Variants in HRNR observed in about 807,000 individuals in gnomAD.
HRNR encodes the protein hornerin.
Under a neutral mutation model 4.8 loss-of-function variants are expected in HRNR, and 7 were observed. That is an observed-to-expected ratio of 1.47 (90% CI 0.83 to 2.75). The LOEUF (loss-of-function observed/expected upper bound fraction) is 2.75. Among genes scored for constraint, HRNR ranks in the 30% most tolerant of loss-of-function variants. The probability of loss-of-function intolerance (pLI) is 0.00; values close to 1 mark genes in which losing one functional copy is unlikely to be tolerated. For missense variants in HRNR, 2,879 were observed against 3,010.4 expected (o/e 0.96, Z 1.02); for synonymous variants, 1,023 against 1,242.7 (o/e 0.82, Z 3.72).
Position 152,219,233 on chromosome 1 carries a change from C to T in HRNR, c.2396G>A (p.Ser799Asn), listed in dbSNP as rs6662450. ...SSHGQHGSGTSCSSSCGHYES... is the reference protein window; with the variant it reads ...SSHGQHGSGTNCSSSCGHYES... ...ATAATGGCCACAGCTGGAAGAACAACTTGTGCCAGACCCGTGTTGGCCGTG... is the reference window on the plus strand; with the variant it reads ...ATAATGGCCACAGCTGGAAGAACAATTTGTGCCAGACCCGTGTTGGCCGTG... The change falls in exon 3 of 3, where the codon AGT (serine) becomes AAT (asparagine). Residue 799 changes from serine to asparagine, a missense_variant. Coordinates refer to ENST00000368801, the MANE Select transcript of HRNR (RefSeq NM_001009931.3). 4.3e-6 allele frequency: 7 copies of T among 1,613,782 alleles called. No individual in the cohort carries two copies. Among genetic ancestry groups the T allele is most frequent in the African/African-American group, 4.0e-5 (3 of 74,820 alleles).
chr1:152,219,319 A>G lies in HRNR; in HGVS notation c.2310T>C (p.Ser770=). The G allele has an allele frequency of 6.2e-7, 1 of 1,613,502 alleles. No homozygotes were observed. Among genetic ancestry groups the G allele is most frequent in the Admixed American group, 1.7e-5 (1 of 59,954 alleles). ...HQSSGHGRQG[S]GSGHSPSRVR... ...CACGGCTAGGAGAGTGGCCAGATCC[A>G]GACCCTTGTCGGCCGTGGCCCGAAG... The change falls in exon 3 of 3, where the codon TCT becomes TCC. Residue 770 remains serine, a synonymous_variant. Transcript: ENST00000368801.
Position 152,218,515 on chromosome 1 carries a change from G to A in HRNR, c.3114C>T (p.Gly1038=), listed in dbSNP as rs561488430. The change falls in exon 3 of 3, where the codon GGC becomes GGT. Residue 1038 remains glycine (G), a synonymous_variant. Transcript: ENST00000368801. Reference sequence around the variant, plus strand: ...AGTGACCGGAGCCAGACTCATATGGGCCACGGCTTGAAGACCACCCTGAGC... The same window carrying A: ...AGTGACCGGAGCCAGACTCATATGGACCACGGCTTGAAGACCACCCTGAGC... The part of the protein sequence containing the change: ...RSGSGWSSSR[G]PYESGSGHSS... The A allele has an allele frequency of 4.3e-6, 7 of 1,613,540 alleles. No homozygotes were observed. In the East Asian group the frequency reaches 1.3e-4, roughly 31 times the overall value.
In HRNR at chr1:152,218,657, C is replaced by A. The variant is rs143427005; in HGVS notation, c.2972G>T (p.Arg991Leu). 4 of 1,613,312 alleles carry A rather than the reference C, an allele frequency of 2.5e-6. No homozygotes were observed. The highest frequency in any genetic ancestry group is 3.4e-6 in the Non-Finnish European group (4 of 1,179,878). Residue 991 changes from arginine to leucine, a missense_variant, in exon 3 of 3, where the codon CGT becomes CTT. By Grantham distance (102) the Arg-to-Leu change is moderately radical. This residue lies in a region of HRNR where 2,646 missense variants were observed against 1,377.7 expected (regional missense o/e 1.92). Transcript: ENST00000368801. ...SSYGQHGSGS[R>L]QSLGHGQHGS... is the part of the protein sequence containing the mutation. ...ATGTTGGCCGTGGCCCAAAGACTGA[C>A]GGGAGCCAGACCCATGCTGACCATA...
Position 152,219,071 on chromosome 1 carries a change from C to T in HRNR, c.2558G>A (p.Ser853Asn), listed in dbSNP as rs764209221. 13 of 1,613,566 alleles carry T rather than the reference C, an allele frequency of 8.1e-6. No individual in the cohort carries two copies. Among genetic ancestry groups the T allele is most frequent in the East Asian group, 4.5e-5 (2 of 44,870 alleles). ...RHGSTSGQSS[S>N]SGQHDSSSGQ... is the part of the protein sequence containing the mutation. ...TGAGCTAGAGTCATGTTGGCCGGAG[C>T]TTGATGACTGCCCTGACGTAGATCC... The change falls in exon 3 of 3, where the codon AGC becomes AAC. Residue 853 changes from serine (S) to asparagine (N), a missense_variant. By Grantham distance (46) the Ser-to-Asn change is conservative. Coordinates refer to ENST00000368801, the MANE Select transcript of HRNR (RefSeq NM_001009931.3).
At chr1:152,223,042 A>G (rs902568925) in intron 2 of HRNR, 74 bp downstream of exon 2, 5 of 1,435,858 alleles carry the variant, frequency 3.5e-6, no homozygotes, top group Admixed American at 3.5e-5. Flanking sequence ...GATGTTTGAC[A>G]TATGTGACAA....
chr1:152,219,911 G>T lies in HRNR; in HGVS notation c.1718C>A (p.Pro573Gln), dbSNP rs145844679. 3.1e-6 allele frequency: 5 copies of T among 1,613,478 alleles called. No individual in the cohort carries two copies. The highest frequency in any genetic ancestry group is 1.1e-5 in the South Asian group (1 of 91,046). The change falls in exon 3 of 3, where the codon CCA becomes CAA. Residue 573 changes from proline (P) to glutamine (Q), a missense_variant. By Grantham distance (76) the Pro-to-Gln change is moderately conservative (BLOSUM62 -1). Transcript: ENST00000368801. ...YGSGRSSSRG[P>Q]YESGSGHSSG... ...AGAGTGACCGGAGCCAGACTCATAT[G>T]GGCCACGGCTTGAAGACCTCCCTGA...
In HRNR at chr1:152,221,482, G is replaced by C. The variant is rs199892404; in HGVS notation, c.147C>G (p.Asn49Lys). 1 of 1,596,238 alleles carries C rather than the reference G, an allele frequency of 6.3e-7. No individual in the cohort carries two copies. The change falls in exon 3 of 3, where the codon AAC becomes AAG. Residue 49 changes from asparagine (N) to lysine (K), a missense_variant. Physicochemically the swap from Asn to Lys is moderately conservative, Grantham distance 94. This residue lies in a region of HRNR where 2,646 missense variants were observed against 1,377.7 expected (regional missense o/e 1.92). Transcript: ENST00000368801. ...AGATGATATCCACAGTATCTGGATC[G>C]TTTGGATTCTGTATAAGAGAAAGGT... Reference protein sequence around the residue: ...NEFHQILKNPNDPDTVDIILQ... With the variant: ...NEFHQILKNPKDPDTVDIILQ...
In HRNR at chr1:152,218,964, G is replaced by A. The variant is rs945743277; in HGVS notation, c.2665C>T (p.Gln889Ter). 3 of 1,613,904 alleles carry A rather than the reference G, an allele frequency of 1.9e-6. No homozygotes were observed. Among genetic ancestry groups the A allele is most frequent in the Non-Finnish European group, 2.5e-6 (3 of 1,179,956 alleles). ...GRGRHGSGSG[Q>*]SPGHGQRGSG... is the part of the protein sequence containing the mutation. ...CCACGCTGGCCGTGGCCTGGAGACTGGCCAGATCCAGAGCCATGTCGGCCG... is the reference window on the plus strand; with the variant it reads ...CCACGCTGGCCGTGGCCTGGAGACTAGCCAGATCCAGAGCCATGTCGGCCG... Residue 889 changes from glutamine to a stop codon, truncating the protein, a stop_gained, in exon 3 of 3, where the codon CAG becomes TAG. Transcript: ENST00000368801. LOFTEE classifies it low-confidence loss of function (END_TRUNC).
In HRNR at chr1:152,219,069, A is replaced by T. The variant is rs780461406; in HGVS notation, c.2560T>A (p.Ser854Thr). 6.8e-6 allele frequency: 11 copies of T among 1,610,348 alleles called. No homozygotes were observed. Among genetic ancestry groups the T allele is most frequent in the African/African-American group, 5.4e-5 (4 of 73,536 alleles). ...CCTGAGCTAGAGTCATGTTGGCCGG[A>T]GCTTGATGACTGCCCTGACGTAGAT... ...HGSTSGQSSS[S>T]GQHDSSSGQS... Residue 854 changes from serine to threonine, a missense_variant, in exon 3 of 3, where the codon TCC becomes ACC. Coordinates refer to ENST00000368801, the MANE Select transcript of HRNR (RefSeq NM_001009931.3).
rs747241932 is a variant in HRNR at position 152,223,108 on chromosome 1, G to A, written c.138+8C>T. On this transcript the variant is annotated splice_region_variant and intron_variant, in intron 2 of 2. Coordinates refer to ENST00000368801, the MANE Select transcript of HRNR (RefSeq NM_001009931.3). The stretch of plus-strand genomic sequence containing the variant: ...CTGCATAACTCCATCCTGGCGTGGA[G>A]TTCTTACCTTCAGAATTTGATGAAA... 6.2e-7 allele frequency: 1 copy of A among 1,613,314 alleles called. No individual in the cohort carries two copies. Among genetic ancestry groups the A allele is most frequent in the Non-Finnish European group, 8.5e-7 (1 of 1,179,596 alleles).
In HRNR at chr1:152,221,179, A is replaced by G; in HGVS notation, c.450T>C (p.Pro150=). 6.2e-7 allele frequency: 1 copy of G among 1,614,200 alleles called. No individual in the cohort carries two copies. ...YSRNVRGSLK[P]GTESISRRLS... is the part of the protein sequence containing the mutation. Reference sequence around the variant, plus strand: ...GTCTTCTGGATATGGATTCAGTCCCAGGTTTAAGACTTCCTCTGACGTTTC... The same window carrying G: ...GTCTTCTGGATATGGATTCAGTCCCGGGTTTAAGACTTCCTCTGACGTTTC... Residue 150 remains proline (P), a synonymous_variant, in exon 3 of 3, where the codon CCT becomes CCC. Coordinates refer to ENST00000368801, the MANE Select transcript of HRNR (RefSeq NM_001009931.3).
In HRNR at chr1:152,219,220, G is replaced by C. The variant is rs34188717; in HGVS notation, c.2409C>G (p.Ser803Arg). ...CTGAGCCAGACTCATAATGGCCACA[G>C]CTGGAAGAACAACTTGTGCCAGACC... Reference protein sequence around the residue: ...QHGSGTSCSSSCGHYESGSGQ... With the variant: ...QHGSGTSCSSRCGHYESGSGQ... Residue 803 changes from serine to arginine, a missense_variant, in exon 3 of 3, where the codon AGC becomes AGG. By Grantham distance (110) the Ser-to-Arg change is moderately radical (BLOSUM62 -1). This residue lies in a region of HRNR where 2,646 missense variants were observed against 1,377.7 expected (regional missense o/e 1.92). Coordinates refer to ENST00000368801, the MANE Select transcript of HRNR (RefSeq NM_001009931.3). The C allele has an allele frequency of 0.024, 38,337 of 1,613,942 alleles. 660 individuals carry two copies. The highest frequency in any genetic ancestry group is 0.056 in the South Asian group (5,057 of 91,064).
In HRNR at chr1:152,218,886, G is replaced by C; in HGVS notation, c.2743C>G (p.Arg915Gly). The C allele has an allele frequency of 6.2e-7, 1 of 1,612,292 alleles. No individual in the cohort carries two copies. The highest frequency in any genetic ancestry group is 8.5e-7 in the Non-Finnish European group (1 of 1,179,502). The change falls in exon 3 of 3, where the codon CGG becomes GGG. Residue 915 changes from arginine (R) to glycine (G), a missense_variant. Around this residue, in one of 8 missense-constraint regions of HRNR, gnomAD observed 2,646 missense variants for 1,377.7 expected, o/e 1.92. Transcript: ENST00000368801. ...SYGRHGSGSG[R>G]SSSSGRHGSG... ...CCATGTCGGCCACTGCTGGAAGACC[G>C]ACCGGAGCCAGACCCATGTCGGCCA...
At position 152,220,168 on chromosome 1, in the gene HRNR, G is replaced by A. The variant is rs749036272; in HGVS notation, c.1461C>T (p.His487=). The A allele has an allele frequency of 1.1e-5, 18 of 1,613,028 alleles. No homozygotes were observed. The highest frequency in any genetic ancestry group is 6.7e-5 in the African/African-American group (5 of 74,788). The change falls in exon 3 of 3, where the codon CAC becomes CAT. Residue 487 remains histidine, a synonymous_variant. Transcript: ENST00000368801. ...GYTQHGSGSG[H]SSGHGQHGSR... is the part of the protein sequence containing the mutation. The stretch of plus-strand genomic sequence containing the variant: ...AGCCGTGTTGTCCGTGGCCGGAGGA[G>A]TGACCTGAGCCAGATCCATGCTGAG...
intron 1 of HRNR, among the ~76,000 whole-genome samples, 194 bp from the exon 2 acceptor site, chr1:152,223,472 G>T (rs576491964): frequency 6.6e-6 from 1 of 152,148 alleles, no homozygotes; most frequent in Non-Finnish European, 1.5e-5. Context: ...ATGAAATTAG[G>T]AATATAATCC....
rs764318864 is a variant in HRNR, at chr1:152,219,031, G to T, written c.2598C>A (p.Ser866Arg). ...QHDSSSGQSSSYGQHESASHH... is the reference protein window; with the variant it reads ...QHDSSSGQSSRYGQHESASHH... ...GGGAGGCAGACTCATGCTGACCATA[G>T]CTGGAAGATTGACCTGAGCTAGAGT... Residue 866 changes from serine (S) to arginine (R), a missense_variant, in exon 3 of 3, where the codon AGC becomes AGA. By Grantham distance (110) the Ser-to-Arg change is moderately radical. Around this residue, in one of 8 missense-constraint regions of HRNR, gnomAD observed 2,646 missense variants for 1,377.7 expected, o/e 1.92. Coordinates refer to ENST00000368801, the MANE Select transcript of HRNR (RefSeq NM_001009931.3). The T allele has an allele frequency of 1.2e-6, 2 of 1,614,088 alleles. No homozygotes were observed. The highest frequency in any genetic ancestry group is 1.7e-6 in the Non-Finnish European group (2 of 1,180,014).
In HRNR at chr1:152,218,894, C is replaced by G. The variant is rs146160152; in HGVS notation, c.2735G>C (p.Gly912Ala). ...GCCACTGCTGGAAGACCGACCGGAG[C>G]CAGACCCATGTCGGCCATAGCTGGG... Reference protein sequence around the residue: ...QSPSYGRHGSGSGRSSSSGRH... With the variant: ...QSPSYGRHGSASGRSSSSGRH... The change falls in exon 3 of 3, where the codon GGC (glycine) becomes GCC (alanine). Residue 912 changes from glycine (G) to alanine (A), a missense_variant. This residue lies in a region of HRNR where 2,646 missense variants were observed against 1,377.7 expected (regional missense o/e 1.92). Coordinates refer to ENST00000368801, the MANE Select transcript of HRNR (RefSeq NM_001009931.3). The G allele has an allele frequency of 1.2e-5, 19 of 1,613,940 alleles. No homozygotes were observed. The African/African-American group carries it at 1.7e-4, about 15-fold the overall frequency.
rs763154461 is a variant in HRNR at position 152,218,949 on chromosome 1, C to T, written c.2680G>A (p.Gly894Ser). ...TGCCCTGACCCAGACCCACGCTGGC[C>T]GTGGCCTGGAGACTGGCCAGATCCA... Reference protein sequence around the residue: ...GSGSGQSPGHGQRGSGSGQSP... With the variant: ...GSGSGQSPGHSQRGSGSGQSP... The change falls in exon 3 of 3, where the codon GGC becomes AGC. Residue 894 changes from glycine to serine, a missense_variant. Transcript: ENST00000368801. 212 of 1,613,160 alleles carry T rather than the reference C, an allele frequency of 1.3e-4. 1 individual carries two copies. The highest frequency in any genetic ancestry group is 1.8e-4 in the South Asian group (16 of 91,014).
rs748333345 is a variant in HRNR at position 152,218,670 on chromosome 1, C to T, written c.2959G>A (p.Gly987Arg). The change falls in exon 3 of 3, where the codon GGG becomes AGG. Residue 987 changes from glycine (G) to arginine (R), a missense_variant. Transcript: ENST00000368801. Reference protein sequence around the residue: ...SGSSSSYGQHGSGSRQSLGHG... With the variant: ...SGSSSSYGQHRSGSRQSLGHG... ...CCCAAAGACTGACGGGAGCCAGACC[C>T]ATGCTGACCATAGCTGGAAGACGAA... 9 of 1,613,738 alleles carry T rather than the reference C, an allele frequency of 5.6e-6. No individual in the cohort carries two copies. The highest frequency in any genetic ancestry group is 5.5e-5 in the South Asian group (5 of 91,046).
Sources: gnomAD v4.1 joint callset for allele counts (sites outside exome capture counted in the v4.1 genomes callset) on GRCh38, gnomAD v4.1.1 for gene constraint, gnomAD v4.1.1 regional missense constraint, MANE v1.5 for transcripts, NCBI Gene and HGNC (gene_info 2026-07-23, HGNC 2026-07-21) for gene names.